The following UTRN variants were observed in gnomAD, a reference collection of about 807,000 sequenced individuals.
UTRN encodes dystrophin-related protein 1.
A neutral mutation model predicts 463.9 loss-of-function variants in UTRN; 283 were observed. The ratio of observed to expected loss-of-function variants is 0.61; its 90% CI spans 0.55 to 0.67. The LOEUF is 0.67. UTRN is among the 30% of genes least tolerant of loss of function. UTRN has a pLI of 0.00. For synonymous variants in UTRN, 1,442 were observed against 1,431.5 expected (o/e 1.01, Z -0.17); for missense variants, 3,922 against 4,084.3 (o/e 0.96, Z 1.08).
chr6:144,748,534 A>C lies in UTRN; in HGVS notation c.8208+20A>C, dbSNP rs1345691737. 6.3e-7 allele frequency: 1 copy of C among 1,595,588 alleles called. No individual in the cohort carries two copies. The highest frequency in any genetic ancestry group is 8.5e-7 in the Non-Finnish European group (1 of 1,173,576). On this transcript the variant is annotated intron_variant, in intron 55 of 74. Coordinates refer to ENST00000367545, the MANE Select transcript of UTRN (RefSeq NM_007124.3). ...ATCATGGTCAGCATCATTGTCTTTGAAGGATTTTTAAGAAATGTTTTCTTG... is the reference window on the plus strand; with the variant it reads ...ATCATGGTCAGCATCATTGTCTTTGCAGGATTTTTAAGAAATGTTTTCTTG...
In UTRN at chr6:144,642,623, T is replaced by C. The variant is rs903358613; in HGVS notation, c.7480-35783T>C. Among the ~76,000 whole-genome samples, 8 of 152,200 alleles carry C rather than the reference T, an allele frequency of 5.3e-5. No individual in the cohort carries two copies. The South Asian group carries it at 1.0e-3, about 20-fold the overall frequency. On this transcript the variant is annotated intron_variant, in intron 51 of 74. Coordinates refer to ENST00000367545, the MANE Select transcript of UTRN (RefSeq NM_007124.3). ...CTCAGGGGACTCTACAACGTCACGT[T>C]TTCTTAACTATTTAATTTGTAATGC...
At chr6:144,534,779 G>C (rs1200667014) in intron 43 of UTRN, among the ~76,000 whole-genome samples, 1 of 152,136 alleles carries the variant, frequency 6.6e-6, no homozygotes, top group East Asian at 1.9e-4. Context: ...TGTCACAGAG[G>C]CAGATATGAT....
intron 50 of UTRN, among the ~76,000 whole-genome samples, chr6:144,574,442 G>A (rs1801239401): frequency 6.6e-6 from 1 of 152,116 alleles, no homozygotes; most frequent in Non-Finnish European, 1.5e-5. Context: ...GTATTCCATT[G>A]TATCCCTGTA....
intron 13 of UTRN, 101 bp downstream of exon 13, chr6:144,440,572 G>A: frequency 1.3e-6 from 2 of 1,524,898 alleles, no homozygotes; most frequent in Admixed American, 1.9e-5. Flanking sequence ...TCTTTATCCA[G>A]AAGGGTAGAA....
At chr6:144,718,148 A>T (rs1786714033) in intron 53 of UTRN, among the ~76,000 whole-genome samples, 1 of 152,160 alleles carries the variant, frequency 6.6e-6, no homozygotes, top group African/African-American at 2.4e-5. Flanking sequence ...GAGCTGAGAA[A>T]CATGGTAGAA....
At chr6:144,844,844 G>C (rs1422550231) in intron 73 of UTRN, among the ~76,000 whole-genome samples, 1 of 152,174 alleles carries the variant, frequency 6.6e-6, no homozygotes, top group African/African-American at 2.4e-5. Flanking sequence ...CTTTAAAAAT[G>C]CTTGTCGCCA....
In UTRN at chr6:144,514,676, C is replaced by T; in HGVS notation, c.5100C>T (p.Ala1700=). Residue 1700 remains alanine, a synonymous_variant, in exon 37 of 75, where the codon GCC becomes GCT. Transcript: ENST00000367545. ...VKRLVSELDD[A]NLQVENVRDQ... is the part of the protein sequence containing the mutation. ...GTTTAGTATCTGAGCTGGATGATGC[C>T]AACCTCCAGGTTGAAAATGTCCGCG... 1 of 1,613,998 alleles carries T rather than the reference C, an allele frequency of 6.2e-7. No individual in the cohort carries two copies. The highest frequency in any genetic ancestry group is 8.5e-7 in the Non-Finnish European group (1 of 1,179,972).
chr6:144,655,180 G>A (rs940893075), intron 51 of UTRN, among the ~76,000 whole-genome samples: 1 of 152,166 alleles, frequency 6.6e-6, no homozygotes, highest in Non-Finnish European at 1.5e-5. Flanking sequence ...CTTTCATCAG[G>A]GGACTCAGGC....
intron 2 of UTRN, among the ~76,000 whole-genome samples, chr6:144,303,975 T>C (rs537491691): frequency 1.3e-5 from 2 of 152,334 alleles, no homozygotes; most frequent in African/African-American, 4.8e-5. Flanking sequence ...TTGAGAAATA[T>C]CTTACATTTA....
At chr6:144,765,589 T>A (rs1793209819) in intron 58 of UTRN, among the ~76,000 whole-genome samples, 1 of 152,088 alleles carries the variant, frequency 6.6e-6, no homozygotes, top group African/African-American at 2.4e-5. Context: ...AATTGGACTT[T>A]TTTTAGAGAT....
rs1777091356 is a variant in UTRN at position 144,340,901 on chromosome 6, C to T, written c.79+48994C>T. On this transcript the variant is annotated intron_variant, in intron 2 of 74. Coordinates refer to ENST00000367545, the MANE Select transcript of UTRN (RefSeq NM_007124.3). The stretch of plus-strand genomic sequence containing the variant: ...AAACTGATTTTAGCTTCTGATTTTC[C>T]TCACCATCAAGTGTTTACAGAAACT... 4.6e-5 allele frequency among the ~76,000 whole-genome samples: 7 copies of T among 152,330 alleles called. No individual in the cohort carries two copies. The South Asian group carries it at 1.4e-3, about 32-fold the overall frequency.
intron 73 of UTRN, among the ~76,000 whole-genome samples, chr6:144,841,231 CCT>C (rs532250525): frequency 9.4e-4 from 143 of 152,280 alleles, no homozygotes; most frequent in African/African-American, 3.2e-3. Flanking sequence ...AGTGTAATTC[CCT>C]CTCTTTTCTT....
intron 40 of UTRN, 113 bp from the exon 41 acceptor site, chr6:144,522,903 A>G (rs1796233471): frequency 1.1e-6 from 1 of 886,086 alleles, no homozygotes; most frequent in Admixed American, 3.3e-5. Context: ...AACAATGATT[A>G]TGTCTCATTA....
At chr6:144,360,697 A>C (rs923557399) in intron 2 of UTRN, among the ~76,000 whole-genome samples, 1 of 152,136 alleles carries the variant, frequency 6.6e-6, no homozygotes, top group African/African-American at 2.4e-5. Flanking sequence ...CTGTAGTATA[A>C]ATTCTCCAGC....
intron 51 of UTRN, among the ~76,000 whole-genome samples, chr6:144,620,409 T>C (rs1049132947): frequency 6.6e-6 from 1 of 151,770 alleles, no homozygotes; most frequent in African/African-American, 2.4e-5. Context: ...ATTGGTAGAC[T>C]TACAGGCCTT....
chr6:144,482,079 C>G, intron 26 of UTRN, 130 bp from the exon 27 acceptor site: 1 of 746,306 alleles, frequency 1.3e-6, no homozygotes, highest in South Asian at 4.2e-5. Flanking sequence ...AAATAATGTT[C>G]TATTTTGGCA....
At chr6:144,438,986 T>A in intron 12 of UTRN, 91 bp downstream of exon 12, 1 of 1,378,690 alleles carries the variant, frequency 7.3e-7, no homozygotes, top group Admixed American at 2.0e-5. Flanking sequence ...ATCGTTAACA[T>A]GAAGTTGGGA....
intron 1 of UTRN, among the ~76,000 whole-genome samples, chr6:144,287,183 G>T (rs1273454528): frequency 6.6e-6 from 1 of 152,228 alleles, no homozygotes; most frequent in East Asian, 1.9e-4. Flanking sequence ...GGAATGCGAA[G>T]CTTGTGGGTA....
chr6:144,733,389 T>G (rs1252249154), intron 54 of UTRN, among the ~76,000 whole-genome samples: 1 of 151,776 alleles, frequency 6.6e-6, no homozygotes, highest in Non-Finnish European at 1.5e-5. Flanking sequence ...TGGTGGTGCA[T>G]GCCTGCAGTC....
Sources: allele counts gnomAD v4.1 joint callset (sites outside exome capture counted in the v4.1 genomes callset), GRCh38; gene constraint gnomAD v4.1.1; transcripts MANE v1.5; gene names NCBI Gene and HGNC (gene_info 2026-07-23, HGNC 2026-07-21).